The following PTPRG variants were observed in gnomAD, a reference collection of about 807,000 sequenced individuals.
PTPRG encodes receptor-type tyrosine-protein phosphatase gamma.
In PTPRG, 102 loss-of-function variants were observed where a neutral mutation model predicts 165.3. The observed-to-expected ratio is 0.62, with a 90% CI of 0.53 to 0.73. The LOEUF (loss-of-function observed/expected upper bound fraction) is 0.73, where lower values mean the gene tolerates loss of function less well. Among genes scored for constraint, PTPRG ranks in the 30% least tolerant of loss-of-function variants. The pLI is 0.00. For missense variants in PTPRG, 1,866 were observed against 1,861.4 expected (o/e 1.00, Z -0.05); for synonymous variants, 675 against 669.5 (o/e 1.01, Z -0.13).
intron 2 of PTPRG, among the ~76,000 whole-genome samples, chr3:61,793,597 A>G (rs565092610): frequency 2.6e-5 from 4 of 152,162 alleles, no homozygotes; most frequent in South Asian, 2.1e-4. Context: ...GTTCTTTTCT[A>G]TCAAAAAATA....
At chr3:62,171,911 T>G (rs1280162332) in intron 8 of PTPRG, among the ~76,000 whole-genome samples, 1 of 152,180 alleles carries the variant, frequency 6.6e-6, no homozygotes, top group Non-Finnish European at 1.5e-5. Context: ...CTGCCCTGTA[T>G]GTCCCTCCCT....
intron 2 of PTPRG, among the ~76,000 whole-genome samples, chr3:61,893,370 C>T (rs2107504344): frequency 6.6e-6 from 1 of 152,296 alleles, no homozygotes; most frequent in Non-Finnish European, 1.5e-5. Flanking sequence ...GTTAAACTAA[C>T]TTAATTCTCA....
At chr3:61,640,178 T>A (rs1199363839) in intron 1 of PTPRG, among the ~76,000 whole-genome samples, 1 of 152,202 alleles carries the variant, frequency 6.6e-6, no homozygotes, top group African/African-American at 2.4e-5. Flanking sequence ...TCCTGCCCAT[T>A]GTCCATGATT....
chr3:62,108,218 C>A (rs56078959), intron 5 of PTPRG, among the ~76,000 whole-genome samples: 3 of 151,290 alleles, frequency 2.0e-5, no homozygotes, highest in Non-Finnish European at 4.4e-5. Context: ...GCAACAGGCC[C>A]CGGTGTGTGA....
rs1172557294 is a variant in PTPRG, at chr3:62,224,900, T to C, written c.2288+5917T>C. Among the ~76,000 whole-genome samples the C allele has an allele frequency of 6.6e-6, 1 of 152,198 alleles. No individual in the cohort carries two copies. Among genetic ancestry groups the C allele is most frequent in the African/African-American group, 2.4e-5 (1 of 41,446 alleles). On this transcript the variant is annotated intron_variant, in intron 13 of 29. Transcript: ENST00000474889. This position sits in a 1 kb window ranked among gnomAD's most constrained non-coding sequence, Gnocchi z 4.9. ...TTGAAGAGCTGTAGGAACCAGAATC[T>C]GTAAAAACACAGAAGTTGCTATAAA...
chr3:61,913,856 A>G (rs2038865295), intron 2 of PTPRG, among the ~76,000 whole-genome samples: 1 of 152,178 alleles, frequency 6.6e-6, no homozygotes, highest in Non-Finnish European at 1.5e-5. Context: ...GTTTTGTCTG[A>G]TGCTTTCTTC....
chr3:62,077,006 T>A (rs910687279), intron 4 of PTPRG, among the ~76,000 whole-genome samples: 2 of 152,212 alleles, frequency 1.3e-5, no homozygotes, highest in African/African-American at 4.8e-5. Flanking sequence ...TGGCTCACAC[T>A]TGTAATCCCA....
chr3:62,023,995 C>CA (rs2041754620), intron 4 of PTPRG, among the ~76,000 whole-genome samples: 1 of 152,038 alleles, frequency 6.6e-6, no homozygotes, highest in Admixed American at 6.5e-5. Flanking sequence ...AGAAGAGGTT[C>CA]AAAAACAAGA....
intron 1 of PTPRG, among the ~76,000 whole-genome samples, chr3:61,719,689 T>G (rs1449007951): frequency 6.6e-6 from 1 of 152,216 alleles, no homozygotes. Flanking sequence ...TAATCAATTC[T>G]GAAGTCTCTC....
At chr3:61,948,261 G>A (rs1028594761) in intron 2 of PTPRG, among the ~76,000 whole-genome samples, 7 of 152,074 alleles carry the variant, frequency 4.6e-5, no homozygotes, top group African/African-American at 1.4e-4. Flanking sequence ...GGAGGTGGAG[G>A]TTGCAGTGAG....
intron 5 of PTPRG, among the ~76,000 whole-genome samples, chr3:62,128,805 A>G (rs1703408181): frequency 1.3e-5 from 2 of 150,220 alleles, no homozygotes; most frequent in African/African-American, 5.0e-5. Context: ...AAAGCTGCCA[A>G]AATTGCTTAG....
At chr3:61,665,362 A>T (rs1385578076) in intron 1 of PTPRG, among the ~76,000 whole-genome samples, 1 of 152,094 alleles carries the variant, frequency 6.6e-6, no homozygotes, top group African/African-American at 2.4e-5. Context: ...TGATTTTTTT[A>T]TAGCGATATG....
intron 2 of PTPRG, among the ~76,000 whole-genome samples, chr3:61,761,792 CCTT>C (rs761747907): frequency 2.6e-5 from 4 of 152,122 alleles, no homozygotes; most frequent in Admixed American, 2.0e-4. Context: ...AGGAAAACAA[CCTT>C]CTTCTTAAAG....
chr3:61,646,381 G>A (rs1298577476), intron 1 of PTPRG, among the ~76,000 whole-genome samples: 2 of 152,160 alleles, frequency 1.3e-5, no homozygotes, highest in African/African-American at 4.8e-5. Context: ...CAAAGTCCTG[G>A]GATCAAAGGC....
intron 1 of PTPRG, among the ~76,000 whole-genome samples, chr3:61,566,701 G>T (rs9824541): frequency 0.69 from 104,188 of 152,060 alleles, 36,257 homozygotes; most frequent in East Asian, 0.87. Context: ...GAGACGGAGT[G>T]CCGCCATGTT....
chr3:62,283,555 C>T (rs1559760430), intron 28 of PTPRG, among the ~76,000 whole-genome samples: 2 of 152,052 alleles, frequency 1.3e-5, no homozygotes, highest in Non-Finnish European at 2.9e-5. Context: ...ATAATTGAAT[C>T]GTTTCAAATC....
In PTPRG at chr3:62,281,711, T is replaced by C; in HGVS notation, c.3912+2T>C. The stretch of plus-strand genomic sequence containing the variant: ...GACTTTATCCTTGAAGCTACACAGG[T>C]AACCTAAACCTCAGTTCCTCACTAA... On this transcript the variant is annotated splice_donor_variant, in intron 27 of 29. Coordinates refer to ENST00000474889, the MANE Select transcript of PTPRG (RefSeq NM_002841.4). LOFTEE classifies it high-confidence loss of function. 6.2e-7 allele frequency: 1 copy of C among 1,609,930 alleles called. No homozygotes were observed. Among genetic ancestry groups the C allele is most frequent in the Non-Finnish European group, 8.5e-7 (1 of 1,177,728 alleles).
At chr3:61,566,536 C>CTCAGGCTG (rs1477445641) in intron 1 of PTPRG, among the ~76,000 whole-genome samples, 2 of 152,196 alleles carry the variant, frequency 1.3e-5, no homozygotes, top group Non-Finnish European at 2.9e-5. Flanking sequence ...GAGATGGAGT[C>CTCAGGCTG]TCACTCTGTC....
intron 2 of PTPRG, among the ~76,000 whole-genome samples, chr3:61,824,978 G>A (rs1443172516): frequency 6.6e-6 from 1 of 152,190 alleles, no homozygotes; most frequent in Non-Finnish European, 1.5e-5. Flanking sequence ...ATTTAACTAG[G>A]TGTGGTCTTG....
Sources: gnomAD v4.1 joint callset for allele counts (sites outside exome capture counted in the v4.1 genomes callset) on GRCh38, gnomAD v4.1.1 for gene constraint, Gnocchi (gnomAD v3.1) non-coding constraint, MANE v1.5 for transcripts, NCBI Gene and HGNC (gene_info 2026-07-23, HGNC 2026-07-21) for gene names.